Variants in PCDHGA4 observed in about 807,000 individuals in gnomAD.
The protein encoded by PCDHGA4 is protocadherin gamma-A4.
In PCDHGA4, 38 loss-of-function variants were observed where a neutral mutation model predicts 54.6. That is an observed-to-expected ratio of 0.70 (90% CI 0.54 to 0.91). The LOEUF is 0.91. Ranked by LOEUF, PCDHGA4 falls within the 40% of genes least tolerant of loss-of-function variation. The pLI is 0.00. For synonymous variants in PCDHGA4, 511 were observed against 512.9 expected, an observed-to-expected ratio of 1.00 and a Z score of 0.05; for missense variants, 1,298 against 1,220.9, an observed-to-expected ratio of 1.06 and a Z score of -0.94.
At position 141,489,599 on chromosome 5, in the gene PCDHGA4, A is replaced by T; in HGVS notation, c.2515-5208A>T. The T allele has an allele frequency of 6.2e-7, 1 of 1,614,020 alleles. No homozygotes were observed. The highest frequency in any genetic ancestry group is 8.5e-7 in the Non-Finnish European group (1 of 1,179,970). On this transcript the variant is annotated intron_variant, in intron 1 of 3. Coordinates refer to ENST00000571252, the MANE Select transcript of PCDHGA4 (RefSeq NM_018917.4). This position sits in a 1 kb window ranked among gnomAD's most constrained non-coding sequence, Gnocchi z 4.5. ...CACCCCCTGGAGCTAATCCGTGTAGAGGTAGAGATCCTGGATCTCAATGAC... is the reference window on the plus strand; with the variant it reads ...CACCCCCTGGAGCTAATCCGTGTAGTGGTAGAGATCCTGGATCTCAATGAC...
chr5:141,511,048 C>G lies in PCDHGA4; in HGVS notation c.2764C>G (p.Arg922Gly). The G allele has an allele frequency of 6.2e-7, 1 of 1,614,224 alleles. No homozygotes were observed. Among genetic ancestry groups the G allele is most frequent in the Non-Finnish European group, 8.5e-7 (1 of 1,180,028 alleles). ...QFTLQHVPDYRQNVYIPGSNA... is the reference protein window; with the variant it reads ...QFTLQHVPDYGQNVYIPGSNA... ...CACCCTGCAGCACGTGCCCGACTAC[C>G]GCCAGAATGTCTACATCCCAGGCAG... Residue 922 changes from arginine (R) to glycine (G), a missense_variant, in exon 4 of 4, where the codon CGC becomes GGC. Arg to Gly is a moderately radical substitution (Grantham distance 125, BLOSUM62 -2). Transcript: ENST00000571252.
Position 141,366,878 on chromosome 5 carries a change from AT to A in PCDHGA4, c.2514+9265del, listed in dbSNP as rs994289295. On this transcript the variant is annotated intron_variant, in intron 1 of 3. Coordinates refer to ENST00000571252, the MANE Select transcript of PCDHGA4 (RefSeq NM_018917.4). ...ACATTATTTGCTGTATTGGAGATTA[AT>A]TTTTTTTATATAATTCATGCTTTCT... 7.2e-5 allele frequency: 96 copies of A among 1,341,212 alleles called. No homozygotes were observed. In the Middle Eastern group the frequency reaches 7.6e-4, roughly 11 times the overall value. 83.1% of individuals were successfully genotyped at this position (1,341,212 alleles called of 1,614,324 possible).
intron 1 of PCDHGA4, chr5:141,399,557 T>TG: frequency 1.2e-6 from 2 of 1,613,968 alleles, no homozygotes; most frequent in Non-Finnish European, 1.7e-6. Context: ...GACCTGGACT[T>TG]GGGGTTGAAC....
chr5:141,362,675 T>C (rs1187670127), intron 1 of PCDHGA4: 1 of 1,249,402 alleles, frequency 8.0e-7, no homozygotes, highest in Admixed American at 2.8e-5. Context: ...TGTGCCTTAA[T>C]TGTCTTAATC....
At chr5:141,376,356 C>T in intron 1 of PCDHGA4, 1 of 1,614,228 alleles carries the variant, frequency 6.2e-7, no homozygotes, top group South Asian at 1.1e-5. Flanking sequence ...CACGAGGTCT[C>T]ACTCACTGCA....
At chr5:141,408,266 C>G in intron 1 of PCDHGA4, 1 of 1,608,708 alleles carries the variant, frequency 6.2e-7, no homozygotes, top group Non-Finnish European at 8.5e-7. Flanking sequence ...TCCTTTGCTG[C>G]TGCCTTTGTT....
intron 1 of PCDHGA4, chr5:141,365,323 T>C (rs1307889489): frequency 6.2e-7 from 1 of 1,613,858 alleles, no homozygotes; most frequent in African/African-American, 1.3e-5. Flanking sequence ...TTGCCAGCGC[T>C]AAGGTGGTGG....
chr5:141,418,707 G>T (rs2096282239), intron 1 of PCDHGA4: 1 of 1,614,016 alleles, frequency 6.2e-7, no homozygotes, highest in Non-Finnish European at 8.5e-7. Context: ...TCCTTCTTTG[G>T]TGTGGCTGAC....
chr5:141,483,121 T>C (rs922863446), intron 1 of PCDHGA4, among the ~76,000 whole-genome samples: 1 of 152,052 alleles, frequency 6.6e-6, no homozygotes, highest in Admixed American at 6.6e-5. Flanking sequence ...ACAGTCTTTG[T>C]AGGAGATGAG....
chr5:141,355,706 G>A lies in PCDHGA4; in HGVS notation c.599G>A (p.Gly200Asp), dbSNP rs568835897. Residue 200 changes from glycine (G) to aspartate (D), a missense_variant, in exon 1 of 4, where the codon GGT becomes GAT. By Grantham distance (94) the Gly-to-Asp change is moderately conservative. Transcript: ENST00000571252. ...DPDVGVNSLQ[G>D]YQLNSNGYFS... ...GATGTAGGTGTAAACTCCCTGCAGG[G>A]TTACCAGCTCAACTCAAACGGTTAC... The A allele has an allele frequency of 4.3e-6, 7 of 1,613,984 alleles. No individual in the cohort carries two copies. Among genetic ancestry groups the A allele is most frequent in the Admixed American group, 1.7e-5 (1 of 60,032 alleles).
rs375626682 is a variant in PCDHGA4, at chr5:141,355,849, G to T, written c.742G>T (p.Gly248Ter). The change falls in exon 1 of 4, where the codon GGA becomes TGA. Residue 248 changes from glycine to a stop codon, truncating the protein, a stop_gained. Transcript: ENST00000571252. LOFTEE classifies it high-confidence loss of function. ...VHHLVLTAFD[G>*]GDPVRSGTAR... The stretch of plus-strand genomic sequence containing the variant: ...CCACCTCGTTCTCACGGCCTTCGAT[G>T]GAGGTGACCCGGTTCGCTCTGGCAC... 10 of 1,612,302 alleles carry T rather than the reference G, an allele frequency of 6.2e-6. No individual in the cohort carries two copies. The highest frequency in any genetic ancestry group is 8.5e-6 in the Non-Finnish European group (10 of 1,179,094).
intron 1 of PCDHGA4, among the ~76,000 whole-genome samples, chr5:141,457,171 T>C (rs1337137368): frequency 3.3e-5 from 5 of 152,216 alleles, no homozygotes; most frequent in Non-Finnish European, 7.3e-5. Flanking sequence ...GATAACCCTA[T>C]TGCAAATAGT....
intron 1 of PCDHGA4, chr5:141,372,483 GC>G (rs762661083): frequency 1.9e-6 from 3 of 1,614,028 alleles, no homozygotes; most frequent in Non-Finnish European, 2.5e-6. Flanking sequence ...AGTGGCGTTG[GC>G]CTTGATCTCA....
intron 1 of PCDHGA4, chr5:141,410,511 G>C (rs755576652): frequency 6.2e-7 from 1 of 1,613,824 alleles, no homozygotes; most frequent in Non-Finnish European, 8.5e-7. Flanking sequence ...CTAAAATGCA[G>C]TGTGCCCCTA....
intron 1 of PCDHGA4, chr5:141,405,058 T>C (rs1174407561): frequency 1.2e-6 from 2 of 1,613,912 alleles, no homozygotes; most frequent in East Asian, 2.2e-5. Flanking sequence ...TCGTCTCCTG[T>C]GTCTTCCTCA....
rs1228384684 is a variant in PCDHGA4 at position 141,432,189 on chromosome 5, A to G, written c.2515-62618A>G. On this transcript the variant is annotated intron_variant, in intron 1 of 3. Coordinates refer to ENST00000571252, the MANE Select transcript of PCDHGA4 (RefSeq NM_018917.4). This position sits in a 1 kb window ranked among gnomAD's most constrained non-coding sequence, Gnocchi z 6.0. The stretch of plus-strand genomic sequence containing the variant: ...GTTTCCCTCGTCTCTGTGACCGCCC[A>G]CGACCCCGACTGTGAAGAGAACGCC... 6.2e-6 allele frequency: 10 copies of G among 1,613,964 alleles called. No homozygotes were observed. Among genetic ancestry groups the G allele is most frequent in the African/African-American group, 1.3e-5 (1 of 74,878 alleles).
At chr5:141,416,014 A>G (rs1258459397) in intron 1 of PCDHGA4, 1 of 228,504 alleles carries the variant, frequency 4.4e-6, no homozygotes, top group African/African-American at 2.3e-5. Flanking sequence ...AAGAATAGGT[A>G]AGTATCAGAA....
chr5:141,431,658 C>T lies in PCDHGA4; in HGVS notation c.2515-63149C>T, dbSNP rs1283381348. 6.2e-7 allele frequency: 1 copy of T among 1,614,088 alleles called. No individual in the cohort carries two copies. ...TTCAAACTAGATTGTAATTCAGGGA[C>T]AATATCAACAATAGGGGAGTTGGAC... On this transcript the variant is annotated intron_variant, in intron 1 of 3. Transcript: ENST00000571252. The surrounding 1 kb of genome is among the most constrained non-coding windows in gnomAD (Gnocchi z 4.8).
chr5:141,404,974 C>A, intron 1 of PCDHGA4: 1 of 1,614,022 alleles, frequency 6.2e-7, no homozygotes, highest in South Asian at 1.1e-5. Flanking sequence ...TCCTGGCTGA[C>A]CTGGGCAGTC....
Sources: allele counts gnomAD v4.1 joint callset (sites outside exome capture counted in the v4.1 genomes callset), GRCh38; gene constraint gnomAD v4.1.1; non-coding constraint Gnocchi (gnomAD v3.1); transcripts MANE v1.5; gene names NCBI Gene and HGNC (gene_info 2026-07-23, HGNC 2026-07-21).